The following MLIP variants were observed in gnomAD, a reference collection of about 807,000 sequenced individuals.
MLIP encodes muscular LMNA-interacting protein.
A neutral mutation model predicts 84.8 loss-of-function variants in MLIP; 79 were observed. The observed-to-expected ratio is 0.93, with a 90% confidence interval of 0.78 to 1.12. MLIP has a LOEUF of 1.12. MLIP is among the 50% of genes most tolerant of loss of function. The pLI is 0.00. For synonymous variants in MLIP, 504 were observed against 463.0 expected (o/e 1.09, Z -1.14); for missense variants, 1,257 against 1,160.6 (o/e 1.08, Z -1.21).
rs78921009 is a variant in MLIP at position 54,106,342 on chromosome 6, A to C, written c.64-15105A>C. Among the ~76,000 whole-genome samples the C allele has an allele frequency of 3.8e-3, 585 of 152,174 alleles. 2 individuals carry two copies. The highest frequency in any genetic ancestry group is 6.4e-3 in the Non-Finnish European group (434 of 67,984). On this transcript the variant is annotated intron_variant, in intron 1 of 12. Transcript: ENST00000274897. ...ACTGACAGCTGACCACAGTTACAGC[A>C]CTCCCAGCAGCTGGGGAATACGTCC...
chr6:54,151,607 G>A (rs1773451513), intron 5 of MLIP, among the ~76,000 whole-genome samples: 1 of 152,096 alleles, frequency 6.6e-6, no homozygotes, highest in African/African-American at 2.4e-5. Flanking sequence ...TAAGGTTGTA[G>A]ACTCATTATA....
At chr6:54,135,331 G>A (rs1432015088) in intron 3 of MLIP, among the ~76,000 whole-genome samples, 3 of 152,020 alleles carry the variant, frequency 2.0e-5, no homozygotes, top group Non-Finnish European at 2.9e-5. Flanking sequence ...TGTTATTTAT[G>A]TAGCAAGAAT....
chr6:54,182,555 G>A (rs1485364030), intron 9 of MLIP, among the ~76,000 whole-genome samples: 9 of 151,950 alleles, frequency 5.9e-5, no homozygotes, highest in Non-Finnish European at 1.0e-4. Flanking sequence ...GTGTTCCTGC[G>A]GGAGGTACGA....
intron 10 of MLIP, among the ~76,000 whole-genome samples, chr6:54,201,639 T>C (rs1366227188): frequency 6.6e-6 from 1 of 152,174 alleles, no homozygotes; most frequent in African/African-American, 2.4e-5. Flanking sequence ...CAGTTCATAA[T>C]ATGAACATGG....
intron 11 of MLIP, among the ~76,000 whole-genome samples, chr6:54,204,526 T>C (rs2150722277): frequency 6.6e-6 from 1 of 152,322 alleles, no homozygotes; most frequent in East Asian, 1.9e-4. Flanking sequence ...TATGATCCAA[T>C]GCTGGAAGAT....
chr6:54,136,800 C>G lies in MLIP; in HGVS notation c.731C>G (p.Pro244Arg). The change falls in exon 4 of 14, where the codon CCA becomes CGA. Residue 244 changes from proline (P) to arginine (R), a missense_variant. Coordinates refer to ENST00000502396, the MANE Select transcript of MLIP (RefSeq NM_001281747.2). Reference protein sequence around the residue: ...SFVSPTNPNTPPDPVNLEGAS... With the variant: ...SFVSPTNPNTRPDPVNLEGAS... ...GTTTCTCCAACTAATCCGAACACACCACCCGACCCAGTTAACCTCGAGGGA... is the reference window on the plus strand; with the variant it reads ...GTTTCTCCAACTAATCCGAACACACGACCCGACCCAGTTAACCTCGAGGGA... The G allele has an allele frequency of 6.5e-7, 1 of 1,528,752 alleles. No homozygotes were observed. The highest frequency in any genetic ancestry group is 8.8e-7 in the Non-Finnish European group (1 of 1,140,734). The allele number at this position is 1,528,752 out of a possible 1,614,324, so 94.7% of individuals were successfully genotyped here. A position where few individuals can be genotyped will look rare whatever the true frequency, so the allele number is the denominator to read the frequency against.
chr6:54,068,206 G>A lies in MLIP; in HGVS notation c.63+49115G>A, dbSNP rs554061473. On this transcript the variant is annotated intron_variant, in intron 1 of 12. Coordinates refer to the MLIP transcript ENST00000274897. ...GGCTGGAATACAGTGGCATAATCTC[G>A]GCTTATTGCAACCTCCGCCTCCTGA... is the stretch of plus-strand genomic sequence containing the variant. 9.1e-5 allele frequency among the ~76,000 whole-genome samples: 8 copies of A among 88,388 alleles called. 2 individuals carry two copies. The highest frequency in any genetic ancestry group is 1.6e-4 in the Non-Finnish European group (5 of 31,168). The allele number at this position is 88,388 out of a possible 152,430, so 58.0% of individuals were successfully genotyped here.
intron 1 of MLIP, among the ~76,000 whole-genome samples, chr6:54,024,345 CA>C (rs1442190939): frequency 6.6e-6 from 1 of 152,188 alleles, no homozygotes; most frequent in East Asian, 1.9e-4. Flanking sequence ...TTCATTAATA[CA>C]AATAAAATTA....
intron 1 of MLIP, among the ~76,000 whole-genome samples, chr6:54,060,747 A>G (rs1752395557): frequency 6.6e-6 from 1 of 152,196 alleles, no homozygotes; most frequent in Admixed American, 6.6e-5. Flanking sequence ...ATAGGACAAT[A>G]ATTTAGCAGA....
intron 1 of MLIP, chr6:54,083,573 C>T: frequency 6.5e-7 from 1 of 1,535,990 alleles, no homozygotes; most frequent in Non-Finnish European, 8.7e-7. Flanking sequence ...TGACACGTGG[C>T]ACCGGATTCC....
At chr6:54,093,231 C>G (rs968636639) in intron 1 of MLIP, among the ~76,000 whole-genome samples, 2 of 152,024 alleles carry the variant, frequency 1.3e-5, no homozygotes, top group African/African-American at 2.4e-5. Flanking sequence ...GGTCCAGTGG[C>G]TTTCAAATTT....
At chr6:54,213,605 G>A (rs932072282) in intron 11 of MLIP, among the ~76,000 whole-genome samples, 1 of 151,010 alleles carries the variant, frequency 6.6e-6, no homozygotes, top group African/African-American at 2.4e-5. Context: ...GGGAGGCTGA[G>A]GCAGGAGAAT....
chr6:54,083,612 G>A (rs1383347444), intron 1 of MLIP: 1 of 1,536,006 alleles, frequency 6.5e-7, no homozygotes, highest in Admixed American at 2.0e-5. Context: ...GGATTTGAAT[G>A]TTCTGTGAGT....
intron 13 of MLIP, 63 bp downstream of exon 13, chr6:54,257,424 AAT>A (rs748872469): frequency 1.1e-4 from 144 of 1,272,474 alleles, no homozygotes; most frequent in South Asian, 5.2e-4. Context: ...GAAATAAACC[AAT>A]CTTATTTTTT....
chr6:54,228,076 G>A (rs901764516), intron 11 of MLIP, among the ~76,000 whole-genome samples: 17 of 136,210 alleles, frequency 1.2e-4, no homozygotes, highest in African/African-American at 4.0e-4. Context: ...CCAGGTACTC[G>A]GGAGGCTGAG....
rs1781962474 is a variant in MLIP, at chr6:54,244,735, T to C, written c.2923-12573T>C. The stretch of plus-strand genomic sequence containing the variant: ...AATTAATCATAAAACAGTTGGCTTT[T>C]AAATTTTTTCCAGGAAACTGAGAAC... On this transcript the variant is annotated intron_variant, in intron 12 of 13. Coordinates refer to ENST00000502396, the MANE Select transcript of MLIP (RefSeq NM_001281747.2). 3.9e-5 allele frequency among the ~76,000 whole-genome samples: 6 copies of C among 152,210 alleles called. No individual in the cohort carries two copies. The South Asian group carries it at 1.2e-3, about 31-fold the overall frequency.
intron 9 of MLIP, among the ~76,000 whole-genome samples, chr6:54,180,098 GTTGT>G (rs1246279786): frequency 1.3e-5 from 2 of 152,030 alleles, no homozygotes; most frequent in East Asian, 1.9e-4. Context: ...TTTTGTTGTT[GTTGT>G]TTGTTTGTTT....
At chr6:54,121,359 A>C in intron 1 of MLIP, 88 bp from the exon 2 acceptor site, 1 of 1,381,650 alleles carries the variant, frequency 7.2e-7, no homozygotes. Context: ...CATCAAAATA[A>C]ATGAGATAAA....
intron 9 of MLIP, among the ~76,000 whole-genome samples, chr6:54,171,435 C>A (rs1775761510): frequency 6.6e-6 from 1 of 151,502 alleles, no homozygotes; most frequent in Admixed American, 6.6e-5. Flanking sequence ...TTGTTTGTGG[C>A]CACTAAAACA....
Sources: gnomAD v4.1 joint callset for allele counts (sites outside exome capture counted in the v4.1 genomes callset) on GRCh38, gnomAD v4.1.1 for gene constraint, MANE v1.5 for transcripts, NCBI Gene and HGNC (gene_info 2026-07-23, HGNC 2026-07-21) for gene names.